The following CAND1 variants were observed in gnomAD, a reference collection of about 807,000 sequenced individuals.
CAND1 encodes the protein cullin associated and neddylation dissociated 1.
Under a neutral mutation model 108.5 loss-of-function variants are expected in CAND1, and 7 were observed. That is an observed-to-expected ratio of 0.06 (90% CI 0.04 to 0.12). The LOEUF (loss-of-function observed/expected upper bound fraction) is 0.12. Among genes scored for constraint, CAND1 ranks in the 10% least tolerant of loss-of-function variants. The pLI, the probability that CAND1 is intolerant of heterozygous loss-of-function variation, is 1.00. For synonymous variants in CAND1, 534 were observed against 512.0 expected, an observed-to-expected ratio of 1.04 and a Z score of -0.58; for missense variants, 941 against 1,448.7, an observed-to-expected ratio of 0.65 and a Z score of 5.69.
intron 7 of CAND1, among the ~76,000 whole-genome samples, chr12:67,299,455 G>C (rs1041140960): frequency 2.6e-5 from 4 of 152,040 alleles, no homozygotes; most frequent in Admixed American, 2.6e-4. Flanking sequence ...TAGGAACTAT[G>C]TATGATTTTT....
At chr12:67,289,886 G>A (rs1349450775) in intron 2 of CAND1, among the ~76,000 whole-genome samples, 1 of 151,456 alleles carries the variant, frequency 6.6e-6, no homozygotes, top group African/African-American at 2.4e-5. Flanking sequence ...TACTTCTTTG[G>A]TCAAGCAGTC....
chr12:67,305,375 T>C lies in CAND1; in HGVS notation c.1707T>C (p.Phe569=). ...FDATPYIKDL[F]TCTIKRLKAA... ...CAACTCCTTATATCAAAGATCTATT[T>C]ACCTGTACCATTAAGAGATTAAAAG... Residue 569 remains phenylalanine, a synonymous_variant, in exon 10 of 15, where the codon TTT becomes TTC. Coordinates refer to ENST00000545606, the MANE Select transcript of CAND1 (RefSeq NM_018448.5). This position sits in a 1 kb window ranked among gnomAD's most constrained non-coding sequence, Gnocchi z 4.4. 1 of 1,614,174 alleles carries C rather than the reference T, an allele frequency of 6.2e-7. No individual in the cohort carries two copies. Among genetic ancestry groups the C allele is most frequent in the Non-Finnish European group, 8.5e-7 (1 of 1,180,030 alleles).
intron 1 of CAND1, among the ~76,000 whole-genome samples, chr12:67,278,679 C>G (rs1380422271): frequency 6.6e-6 from 1 of 151,952 alleles, no homozygotes; most frequent in Non-Finnish European, 1.5e-5. Flanking sequence ...CCACCACACC[C>G]AGCTAATTTT....
intron 7 of CAND1, among the ~76,000 whole-genome samples, chr12:67,302,014 G>T (rs1237877185): frequency 8.5e-5 from 13 of 152,274 alleles, no homozygotes; most frequent in African/African-American, 2.9e-4. Context: ...TTCTAAAGAA[G>T]TTGAATGTGT....
intron 1 of CAND1, among the ~76,000 whole-genome samples, chr12:67,279,723 A>G (rs1188267027): frequency 1.3e-5 from 2 of 152,156 alleles, no homozygotes; most frequent in African/African-American, 2.4e-5. Context: ...CTTAGTCCAG[A>G]GTTTCTTACA....
rs576478348 is a variant in CAND1, at chr12:67,291,275, T to A, written c.213-1347T>A. ...TTTGGGAGCACAGGGTAGTGTAGTA[T>A]TGACTTGTTTTCATCTTTACAACCA... On this transcript the variant is annotated intron_variant, in intron 2 of 14. Transcript: ENST00000545606. Among the ~76,000 whole-genome samples the A allele has an allele frequency of 9.6e-4, 147 of 152,362 alleles. 3 individuals carry two copies. The highest frequency in any genetic ancestry group is 2.6e-4 in the Admixed American group (4 of 15,310).
At chr12:67,271,282 G>A (rs1199135351) in intron 1 of CAND1, among the ~76,000 whole-genome samples, 1 of 152,158 alleles carries the variant, frequency 6.6e-6, no homozygotes, top group East Asian at 1.9e-4. Flanking sequence ...TTACGGATTG[G>A]AATGCCGTTT....
At chr12:67,298,594 C>CA (rs2044792236) in intron 6 of CAND1, among the ~76,000 whole-genome samples, 1 of 152,168 alleles carries the variant, frequency 6.6e-6, no homozygotes, top group Non-Finnish European at 1.5e-5. Flanking sequence ...GGTGAATATG[C>CA]ACTGGCATTT....
At chr12:67,280,533 A>G (rs2044609935) in intron 1 of CAND1, among the ~76,000 whole-genome samples, 1 of 152,222 alleles carries the variant, frequency 6.6e-6, no homozygotes, top group African/African-American at 2.4e-5. Flanking sequence ...TGGTTCAAAT[A>G]AAAGAAAAAA....
At chr12:67,287,857 A>ATTTTTTTTTTTTT (rs34177330) in intron 2 of CAND1, among the ~76,000 whole-genome samples, 2 of 112,554 alleles carry the variant, frequency 1.8e-5, no homozygotes, top group Non-Finnish European at 3.5e-5. Context: ...TTTTGATGTG[A>ATTTTTTTTTTTTT]TTTTTTTTTT....
Position 67,312,750 on chromosome 12 carries a change from A to G in CAND1, c.3613A>G (p.Asn1205Asp), listed in dbSNP as rs2044965157. The change falls in exon 15 of 15, where the codon AAC becomes GAC. Residue 1205 changes from asparagine (N) to aspartate (D), a missense_variant. Around this residue, in one of 9 missense-constraint regions of CAND1, gnomAD observed 39 missense variants for 51.3 expected, o/e 0.76. Coordinates refer to ENST00000545606, the MANE Select transcript of CAND1 (RefSeq NM_018448.5). ...MSEFQSQISS[N>D]PELAAIFESI... ...TGAATTCCAGTCACAGATCAGTTCT[A>G]ACCCTGAGCTGGCGGCTATCTTTGA... The G allele has an allele frequency of 1.2e-6, 2 of 1,613,678 alleles. No homozygotes were observed. Among genetic ancestry groups the G allele is most frequent in the South Asian group, 2.2e-5 (2 of 91,024 alleles).
intron 1 of CAND1, chr12:67,270,019 GCCC>G (rs1232586745): frequency 8.0e-6 from 4 of 497,822 alleles, no homozygotes; most frequent in Non-Finnish European, 7.0e-6. Context: ...CGGTCTCTAG[GCCC>G]CGTTTGCTTG....
rs2044786036 is a variant in CAND1 at position 67,297,925 on chromosome 12, G to T, written c.854+72G>T. 6.4e-6 allele frequency: 5 copies of T among 776,522 alleles called. No homozygotes were observed. The East Asian group carries it at 7.7e-5, about 12-fold the overall frequency. The allele number at this position is 776,522 out of a possible 1,614,324, so 48.1% of individuals were successfully genotyped here. A position where few individuals can be genotyped will look rare whatever the true frequency, so the allele number is the denominator to read the frequency against. On this transcript the variant is annotated intron_variant, in intron 6 of 14. Coordinates refer to ENST00000545606, the MANE Select transcript of CAND1 (RefSeq NM_018448.5). ...AGTAGAATCATAAGGTCTACATTAG[G>T]TGTGTGAGGAGAAGCGGCCTTTTGG...
Position 67,269,589 on chromosome 12 carries a change from TCGCGCTGCGACCCTGGAAGCGGGAGCCGC to T in CAND1, c.-124_-96del. 1 of 723,716 alleles carries T rather than the reference TCGCGCTGCGACCCTGGAAGCGGGAGCCGC, an allele frequency of 1.4e-6. No individual in the cohort carries two copies. Among genetic ancestry groups the T allele is most frequent in the Non-Finnish European group, 2.2e-6 (1 of 446,514 alleles). The allele number at this position is 723,716 out of a possible 1,614,324, so 44.8% of individuals were successfully genotyped here. A position where few individuals can be genotyped will look rare whatever the true frequency, so the allele number is the denominator to read the frequency against. On this transcript the variant is annotated 5_prime_UTR_variant, in exon 1 of 15. Coordinates refer to ENST00000545606, the MANE Select transcript of CAND1 (RefSeq NM_018448.5). ...GGCGCCTCCCTAGTCAGCGTCGGCG[TCGCGCTGCGACCCTGGAAGCGGGAGCCGC>T]CGCGAGCGAGAGGAGGAGCTCCAGT...
intron 2 of CAND1, 67 bp from the exon 3 acceptor site, chr12:67,292,555 A>T: frequency 8.9e-7 from 1 of 1,127,816 alleles, no homozygotes; most frequent in Non-Finnish European, 1.3e-6. Flanking sequence ...TAACATTTCT[A>T]CTTATGTATT....
intron 1 of CAND1, among the ~76,000 whole-genome samples, chr12:67,280,878 A>G: frequency 6.6e-6 from 1 of 151,994 alleles, no homozygotes; most frequent in Admixed American, 6.6e-5. Context: ...GTGGTTCTTA[A>G]GGGGAGGGGA....
intron 4 of CAND1, 57 bp downstream of exon 4, chr12:67,295,213 T>C: frequency 7.5e-6 from 11 of 1,464,474 alleles, no homozygotes; most frequent in Non-Finnish European, 1.0e-5. Context: ...ATTAATTTAC[T>C]AAAAACCCTT....
intron 8 of CAND1, among the ~76,000 whole-genome samples, 186 bp from the exon 9 acceptor site, chr12:67,304,419 A>C (rs1473156837): frequency 6.6e-6 from 1 of 152,240 alleles, no homozygotes; most frequent in Non-Finnish European, 1.5e-5. Flanking sequence ...ATATAGTTAC[A>C]AGAGAACATA....
At chr12:67,282,771 A>G (rs1459500962) in intron 2 of CAND1, among the ~76,000 whole-genome samples, 3 of 152,242 alleles carry the variant, frequency 2.0e-5, no homozygotes, top group African/African-American at 4.8e-5. Flanking sequence ...CACTGATGAT[A>G]CAATATATAT....
Sources: gnomAD v4.1 joint callset for allele counts (sites outside exome capture counted in the v4.1 genomes callset) on GRCh38, gnomAD v4.1.1 for gene constraint, gnomAD v4.1.1 regional missense constraint, Gnocchi (gnomAD v3.1) non-coding constraint, MANE v1.5 for transcripts, NCBI Gene and HGNC (gene_info 2026-07-23, HGNC 2026-07-21) for gene names.